Variants in GRID2 observed in about 807,000 individuals in gnomAD.
GRID2 encodes the protein glutamate ionotropic receptor delta type subunit 2, also known as glutamate receptor ionotropic, delta-2.
GRID2 carries 33 observed loss-of-function variants against 114.8 expected under a neutral mutation model. The ratio of observed to expected loss-of-function variants is 0.29; its 90% CI spans 0.22 to 0.38. The LOEUF (loss-of-function observed/expected upper bound fraction) is 0.38. GRID2 is among the 10% of genes least tolerant of loss of function. GRID2 has a pLI of 1.00. For synonymous variants in GRID2, 505 were observed against 449.9 expected (o/e 1.12, Z -1.55); for missense variants, 1,184 against 1,257.7 (o/e 0.94, Z 0.89).
intron 13 of GRID2, among the ~76,000 whole-genome samples, chr4:93,540,477 T>G (rs898488460): frequency 4.6e-5 from 7 of 151,982 alleles, no homozygotes; most frequent in Non-Finnish European, 8.8e-5. Flanking sequence ...GAAAAACAAC[T>G]AGGCATAAAA....
At chr4:93,528,300 T>G (rs890450262) in intron 13 of GRID2, among the ~76,000 whole-genome samples, 6 of 152,056 alleles carry the variant, frequency 3.9e-5, no homozygotes, top group Non-Finnish European at 8.8e-5. Flanking sequence ...TATCCAGAAG[T>G]GGAACTGCTA....
chr4:93,521,155 A>G (rs1357321421), intron 13 of GRID2, among the ~76,000 whole-genome samples: 1 of 152,142 alleles, frequency 6.6e-6, no homozygotes, highest in Non-Finnish European at 1.5e-5. Context: ...GGAGGGATGG[A>G]GTTGCCATTT....
intron 2 of GRID2, among the ~76,000 whole-genome samples, chr4:93,063,198 A>T (rs1028687006): frequency 2.0e-5 from 3 of 151,922 alleles, no homozygotes; most frequent in African/African-American, 7.2e-5. Context: ...TGCAGTTTAG[A>T]ATTATAATGA....
chr4:92,578,440 ACATGAACT>A (rs1052613295), intron 1 of GRID2, among the ~76,000 whole-genome samples: 84 of 151,964 alleles, frequency 5.5e-4, no homozygotes, highest in African/African-American at 1.9e-3. Flanking sequence ...CCTACAAAGG[ACATGAACT>A]CATCATTTTT....
chr4:93,604,241 A>G (rs1372709039), intron 13 of GRID2, among the ~76,000 whole-genome samples: 1 of 152,174 alleles, frequency 6.6e-6, no homozygotes, highest in East Asian at 1.9e-4. Flanking sequence ...GTCCATTCCA[A>G]CCCCCATAGA....
At chr4:93,483,259 T>C (rs1726050841) in intron 11 of GRID2, among the ~76,000 whole-genome samples, 1 of 152,028 alleles carries the variant, frequency 6.6e-6, no homozygotes, top group Non-Finnish European at 1.5e-5. Flanking sequence ...TCAGCTTGAA[T>C]AATGAAAATT....
At chr4:93,416,933 G>A (rs1310558143) in intron 9 of GRID2, among the ~76,000 whole-genome samples, 2 of 152,010 alleles carry the variant, frequency 1.3e-5, no homozygotes, top group African/African-American at 2.4e-5. Context: ...TGAAAGCTTC[G>A]TTTGTTCCAG....
At chr4:92,798,791 A>G (rs1276552172) in intron 2 of GRID2, among the ~76,000 whole-genome samples, 2 of 151,974 alleles carry the variant, frequency 1.3e-5, no homozygotes, top group Admixed American at 6.6e-5. Flanking sequence ...CCTCTTTTGT[A>G]CTTTTTTTAT....
At chr4:93,533,275 TTCCTTCCTTCCTTCCTTCCTTCCTTC>T (rs1731660957) in intron 13 of GRID2, among the ~76,000 whole-genome samples, 1 of 134,308 alleles carries the variant, frequency 7.4e-6, no homozygotes, top group Non-Finnish European at 1.6e-5. Flanking sequence ...CCTTCCTTCC[TTCCTTCCTTCCTTCCTTCCTTCCTTC>T]CTTCCTTCCT....
At chr4:93,784,684 C>T (rs556863925) in intron 1 of GRID2, among the ~76,000 whole-genome samples, 1 of 150,398 alleles carries the variant, frequency 6.6e-6, no homozygotes, top group African/African-American at 2.5e-5. Flanking sequence ...ACCACGGTAT[C>T]GCAGAACATA....
rs1162516494 is a variant in GRID2 at position 92,713,470 on chromosome 4, CATATACATATATATATATATAT to C, written c.244+123190_244+123211del. ...GACAGTTTACATATATTTACATATACATATACATATATATATATATATATATATATATATATATATATATATA... is the reference window on the plus strand; with the variant it reads ...GACAGTTTACATATATTTACATATACATATATATATATATATATATATATA... On this transcript the variant is annotated intron_variant, in intron 2 of 15. Coordinates refer to ENST00000282020, the MANE Select transcript of GRID2 (RefSeq NM_001510.4). Among the ~76,000 whole-genome samples, 459 of 74,870 alleles carry C rather than the reference CATATACATATATATATATATAT, an allele frequency of 6.1e-3. 4 individuals carry two copies. Among genetic ancestry groups the C allele is most frequent in the African/African-American group, 0.015 (284 of 19,466 alleles). 49.1% of individuals were successfully genotyped at this position (74,870 alleles called of 152,430 possible).
At chr4:93,746,091 C>A (rs1468720583) in intron 14 of GRID2, among the ~76,000 whole-genome samples, 2 of 151,962 alleles carry the variant, frequency 1.3e-5, no homozygotes, top group Non-Finnish European at 2.9e-5. Context: ...GTGTATAGGT[C>A]TTTGGTATAT....
At chr4:93,454,271 C>G (rs944326804) in intron 10 of GRID2, among the ~76,000 whole-genome samples, 4 of 151,920 alleles carry the variant, frequency 2.6e-5, no homozygotes, top group African/African-American at 9.7e-5. Flanking sequence ...GAACCAATTA[C>G]CCTGAGTGCC....
At chr4:92,724,364 G>T (rs1231902163) in intron 2 of GRID2, among the ~76,000 whole-genome samples, 2 of 152,110 alleles carry the variant, frequency 1.3e-5, no homozygotes, top group Non-Finnish European at 2.9e-5. Flanking sequence ...CAACTCTGCA[G>T]ATCCTGAATA....
rs891468260 is a variant in GRID2 at position 93,020,484 on chromosome 4, A to G, written c.245-64511A>G. On this transcript the variant is annotated intron_variant, in intron 2 of 15. Transcript: ENST00000282020. ...ATGCCACTGTGGCAAAAGGATTCTC[A>G]TTATTGAAAAGAACACCAATAAATG... 7.2e-5 allele frequency among the ~76,000 whole-genome samples: 11 copies of G among 152,202 alleles called. No individual in the cohort carries two copies. The East Asian group carries it at 7.7e-4, about 11-fold the overall frequency.
At chr4:92,906,610 C>T (rs767934942) in intron 2 of GRID2, among the ~76,000 whole-genome samples, 1 of 152,004 alleles carries the variant, frequency 6.6e-6, no homozygotes, top group Admixed American at 6.6e-5. Flanking sequence ...TAGGACTTTA[C>T]TTATCATTTA....
intron 4 of GRID2, among the ~76,000 whole-genome samples, chr4:93,206,360 G>C (rs1164611834): frequency 6.6e-6 from 1 of 151,756 alleles, no homozygotes; most frequent in Non-Finnish European, 1.5e-5. Context: ...ACAAAGAATA[G>C]CCAACAAAAT....
chr4:93,059,721 A>G (rs572311693), intron 2 of GRID2, among the ~76,000 whole-genome samples: 4 of 152,078 alleles, frequency 2.6e-5, no homozygotes, highest in Non-Finnish European at 5.9e-5. Flanking sequence ...CATATGTTCT[A>G]TGCCATATAC....
intron 2 of GRID2, among the ~76,000 whole-genome samples, chr4:92,674,464 T>G (rs1468092005): frequency 2.0e-5 from 3 of 152,178 alleles, no homozygotes; most frequent in African/African-American, 7.2e-5. Flanking sequence ...AGTTTCAACT[T>G]ATATGGTTTT....
Sources: gnomAD v4.1 joint callset for allele counts (sites outside exome capture counted in the v4.1 genomes callset) on GRCh38, gnomAD v4.1.1 for gene constraint, MANE v1.5 for transcripts, NCBI Gene and HGNC (gene_info 2026-07-23, HGNC 2026-07-21) for gene names.